Variants in CAST observed in about 807,000 individuals in gnomAD.
CAST encodes the protein MIR583 host.
Under a neutral mutation model 119.6 loss-of-function variants are expected in CAST, and 76 were observed. The ratio of observed to expected loss-of-function variants is 0.64; its 90% CI spans 0.53 to 0.77. The LOEUF (loss-of-function observed/expected upper bound fraction) is 0.77. Ranked by LOEUF, CAST falls within the 30% of genes least tolerant of loss-of-function variation. The pLI, the probability that CAST is intolerant of heterozygous loss-of-function variation, is 0.00. For synonymous variants in CAST, 319 were observed against 331.6 expected (o/e 0.96, Z 0.41); for missense variants, 953 against 946.5 (o/e 1.01, Z -0.09).
At chr5:96,148,408 A>T in the CAST span, among the ~76,000 whole-genome samples, 1 of 152,190 alleles carries the variant, frequency 6.6e-6, no homozygotes, top group Non-Finnish European at 1.5e-5. Flanking sequence ...TGATGCCTTC[A>T]TTATATGGCT....
the CAST span, among the ~76,000 whole-genome samples, chr5:96,083,149 T>A: frequency 6.6e-6 from 1 of 152,356 alleles, no homozygotes; most frequent in East Asian, 1.9e-4. Context: ...AATATGCAAA[T>A]TATTGCTTTA....
At chr5:96,763,365 CATGTGCATGTGTGT>C (rs1768700514) in intron 25 of CAST, 3 of 713,022 alleles carry the variant, frequency 4.2e-6, no homozygotes, top group Admixed American at 2.0e-5. Context: ...TGTGCATGTG[CATGTGCATGTGTGT>C]ATGTAAACAC....
chr5:96,494,953 T>TA, the CAST span, among the ~76,000 whole-genome samples: 6 of 151,606 alleles, frequency 4.0e-5, no homozygotes, highest in African/African-American at 7.3e-5. Context: ...CCGTCTCTAC[T>TA]AAAAATACAA....
At chr5:96,212,439 G>C in the CAST span, among the ~76,000 whole-genome samples, 1 of 152,098 alleles carries the variant, frequency 6.6e-6, no homozygotes, top group African/African-American at 2.4e-5. Flanking sequence ...TGTAGTCAGA[G>C]AACACACTTT....
chr5:96,345,092 T>C, the CAST span, among the ~76,000 whole-genome samples: 1 of 152,174 alleles, frequency 6.6e-6, no homozygotes, highest in African/African-American at 2.4e-5. Flanking sequence ...GTTTAGAATT[T>C]TGAGATCTCC....
At chr5:96,634,675 T>C (rs182614620) in intron 1 of CAST, among the ~76,000 whole-genome samples, 2 of 152,350 alleles carry the variant, frequency 1.3e-5, no homozygotes, top group Admixed American at 6.5e-5. Context: ...GAGATAATGT[T>C]GTGCCCAACA....
At chr5:96,422,678 A>C in the CAST span, among the ~76,000 whole-genome samples, 3,752 of 152,310 alleles carry the variant, frequency 0.025, 152 homozygotes, top group African/African-American at 0.086. Flanking sequence ...GATAGGTGGA[A>C]AGGATGAGAG....
At chr5:96,141,527 T>C in the CAST span, among the ~76,000 whole-genome samples, 6 of 152,232 alleles carry the variant, frequency 3.9e-5, no homozygotes, top group Admixed American at 3.9e-4. Flanking sequence ...TATTCCCAGA[T>C]GGGTGGGGTA....
At chr5:96,031,589 G>A in the CAST span, among the ~76,000 whole-genome samples, 2 of 152,066 alleles carry the variant, frequency 1.3e-5, no homozygotes, top group African/African-American at 2.4e-5. Flanking sequence ...TTTTCAGAAC[G>A]AGTCCTTAAT....
At chr5:96,524,158 T>C (rs1017669415), upstream of CAST, among the ~76,000 whole-genome samples, 1 of 152,240 alleles carries the variant, frequency 6.6e-6, no homozygotes, top group Non-Finnish European at 1.5e-5. Context: ...ACTGAGAATG[T>C]GATTCGCATG....
At chr5:96,514,038 C>T in the CAST span, among the ~76,000 whole-genome samples, 1 of 152,120 alleles carries the variant, frequency 6.6e-6, no homozygotes, top group African/African-American at 2.4e-5. Context: ...TGCCTCTTCT[C>T]TTCTGTTTAC....
the CAST span, among the ~76,000 whole-genome samples, chr5:96,302,540 C>T: frequency 2.0e-5 from 3 of 152,118 alleles, no homozygotes; most frequent in East Asian, 3.8e-4. Flanking sequence ...ACTTTCAGGT[C>T]ATTTCTTTGT....
chr5:96,449,710 G>A, the CAST span, among the ~76,000 whole-genome samples: 1 of 152,128 alleles, frequency 6.6e-6, no homozygotes, highest in Non-Finnish European at 1.5e-5. Flanking sequence ...CTCTCACTAT[G>A]TTCAAATGCG....
chr5:96,647,786 T>G (rs1240702167), intron 1 of CAST, among the ~76,000 whole-genome samples: 1 of 152,168 alleles, frequency 6.6e-6, no homozygotes, highest in Non-Finnish European at 1.5e-5. Context: ...AGAAAGAGCA[T>G]GGCCCTGCGT....
chr5:96,619,288 T>C (rs1747538786), intron 1 of CAST, among the ~76,000 whole-genome samples: 2 of 81,604 alleles, frequency 2.5e-5, no homozygotes, highest in Middle Eastern at 0.013. Context: ...AGCTAGAGGA[T>C]TGTAAATGCA....
chr5:96,383,444 G>T, the CAST span, among the ~76,000 whole-genome samples: 1 of 151,906 alleles, frequency 6.6e-6, no homozygotes. Flanking sequence ...TAAGCATTTT[G>T]ATTTTGTTTT....
At chr5:96,416,282 G>C in the CAST span, among the ~76,000 whole-genome samples, 60 of 152,194 alleles carry the variant, frequency 3.9e-4, no homozygotes, top group Non-Finnish European at 6.9e-4. Flanking sequence ...CTTATGTTCA[G>C]ATGAAGGGCA....
intron 1 of CAST, among the ~76,000 whole-genome samples, chr5:96,635,255 A>C (rs1006765234): frequency 2.0e-5 from 3 of 152,228 alleles, no homozygotes; most frequent in Admixed American, 6.5e-5. Context: ...AGGAGATAAT[A>C]GGAAATGGGA....
At chr5:96,031,558 C>T in the CAST span, among the ~76,000 whole-genome samples, 1 of 152,062 alleles carries the variant, frequency 6.6e-6, no homozygotes, top group Non-Finnish European at 1.5e-5. Flanking sequence ...GAAGTTACCT[C>T]GAACTGCTAT....
Sources: allele counts gnomAD v4.1 joint callset (sites outside exome capture counted in the v4.1 genomes callset), GRCh38; gene constraint gnomAD v4.1.1; transcripts MANE v1.5; gene names NCBI Gene and HGNC (gene_info 2026-07-23, HGNC 2026-07-21).